The following JADE3 variants were observed in gnomAD, a reference collection of about 807,000 sequenced individuals.
JADE3 encodes jade family PHD finger 3, also known as protein Jade-3.
JADE3 carries 2 observed loss-of-function variants against 50.1 expected under a neutral mutation model. The observed-to-expected ratio is 0.04, with a 90% CI of 0.02 to 0.13. JADE3 has a LOEUF of 0.13. Among genes scored for constraint, JADE3 ranks in the 10% least tolerant of loss-of-function variants. The pLI is 1.00. For missense variants in JADE3, 475 were observed against 634.4 expected (o/e 0.75, Z 2.70); for synonymous variants, 218 against 232.9 (o/e 0.94, Z 0.58).
chrX:46,955,946 T>A (rs1556346191), intron 1 of JADE3, among the ~76,000 whole-genome samples: 5 of 112,386 alleles, frequency 4.4e-5, no homozygotes, highest in Non-Finnish European at 9.4e-5. Context: ...GTCAGTATCA[T>A]TCCTGGCTCT....
chrX:47,028,187 G>A, intron 6 of JADE3, 84 bp downstream of exon 6: 1 of 631,297 alleles, frequency 1.6e-6, no homozygotes, highest in Non-Finnish European at 2.5e-6. Flanking sequence ...TATCTGGGTA[G>A]CAGCTTGCAT....
At chrX:46,990,047 T>TTA (rs1216081274) in intron 3 of JADE3, among the ~76,000 whole-genome samples, 2 of 105,988 alleles carry the variant, frequency 1.9e-5, no homozygotes, top group African/African-American at 3.4e-5. Flanking sequence ...TGGTTATTCT[T>TTA]TATATATATA....
At chrX:46,917,834 C>CCTCCTCT (rs1926128082) in intron 1 of JADE3, among the ~76,000 whole-genome samples, 25 of 42,535 alleles carry the variant, frequency 5.9e-4, no homozygotes, top group Admixed American at 9.9e-4. Flanking sequence ...TCTCTCTCAT[C>CCTCCTCT]CTCTCTCTCT....
At position 47,024,849 on chromosome X, in the gene JADE3, G is replaced by A. The variant is rs782059228; in HGVS notation, c.410G>A (p.Arg137His). 5.8e-6 allele frequency: 7 copies of A among 1,201,359 alleles called. No homozygotes were observed. Among genetic ancestry groups the A allele is most frequent in the East Asian group, 3.0e-5 (1 of 33,746 alleles). The change falls in exon 5 of 11, where the codon CGC becomes CAC. Residue 137 changes from arginine to histidine, a missense_variant. Physicochemically the swap from Arg to His is conservative, Grantham distance 29. Transcript: ENST00000614628. The part of the protein sequence containing the change: ...NIMELAASVC[R>H]YDLDDMDIFW... The stretch of plus-strand genomic sequence containing the variant: ...ATGGAGTTGGCAGCATCTGTTTGCC[G>A]CTATGACCTAGATGACATGGACATC...
intron 1 of JADE3, among the ~76,000 whole-genome samples, chrX:46,969,932 A>G (rs144695411): frequency 7.1e-5 from 8 of 112,433 alleles, no homozygotes; most frequent in Admixed American, 5.6e-4. Flanking sequence ...CAAATGAATA[A>G]TCTAAGCTCC....
rs1296742418 is a variant in JADE3 at position 46,953,199 on chromosome X, T to TC, written c.-11-31677dup. On this transcript the variant is annotated intron_variant, in intron 1 of 10. Transcript: ENST00000614628. ...AAAAGGAGAGAAAAACCCAGGGGAT[T>TC]CCCCCCCCACCGCCCCCCACCGCCA... is the stretch of plus-strand genomic sequence containing the variant. 3.5e-4 allele frequency among the ~76,000 whole-genome samples: 32 copies of TC among 92,203 alleles called. No homozygotes were observed. The East Asian group carries it at 4.2e-3, about 12-fold the overall frequency. The allele number at this position is 92,203 out of a possible 115,157, so 80.1% of individuals were successfully genotyped here.
rs782082333 is a variant in JADE3, at chrX:46,952,990, C to CA, written c.-11-31881dup. On this transcript the variant is annotated intron_variant, in intron 1 of 10. Transcript: ENST00000614628. ...CCTGGGTGACAGAGCGAGACTGTCT[C>CA]AAAAAAAAAAAAAGCAATGGGATTT... 4.2e-3 allele frequency among the ~76,000 whole-genome samples: 368 copies of CA among 88,374 alleles called. 3 individuals carry two copies. The highest frequency in any genetic ancestry group is 0.012 in the African/African-American group (289 of 24,245). The allele number at this position is 88,374 out of a possible 115,157, so 76.7% of individuals were successfully genotyped here. A position where few individuals can be genotyped will look rare whatever the true frequency, so the allele number is the denominator to read the frequency against.
At chrX:46,992,517 C>T (rs1331815894) in intron 3 of JADE3, among the ~76,000 whole-genome samples, 1 of 111,414 alleles carries the variant, frequency 9.0e-6, no homozygotes, top group Admixed American at 9.5e-5. Context: ...TGTCTCCCTG[C>T]AGGCACCTGT....
intron 3 of JADE3, among the ~76,000 whole-genome samples, chrX:46,994,568 T>C (rs1556356857): frequency 8.9e-6 from 1 of 112,111 alleles, no homozygotes; most frequent in African/African-American, 3.2e-5. Flanking sequence ...CTGTGTTTTA[T>C]TTTGTGAAGT....
chrX:46,982,004 T>G (rs782819550), intron 1 of JADE3, among the ~76,000 whole-genome samples: 3 of 111,758 alleles, frequency 2.7e-5, no homozygotes, highest in Non-Finnish European at 5.6e-5. Context: ...TTGAGTTTCC[T>G]GAATATGTAA....
intron 7 of JADE3, among the ~76,000 whole-genome samples, chrX:47,038,670 A>AAAG (rs1196499794): frequency 9.5e-6 from 1 of 104,829 alleles, no homozygotes; most frequent in African/African-American, 3.8e-5. Flanking sequence ...AAAAAAAAAA[A>AAAG]AAGAAGAAAG....
chrX:47,033,896 T>C (rs1264086362), intron 7 of JADE3, 108 bp downstream of exon 7: 2 of 683,426 alleles, frequency 2.9e-6, no homozygotes, highest in African/African-American at 4.4e-5. Context: ...TGCTTGCCCA[T>C]GTTTCTGAAG....
At chrX:47,052,216 C>G (rs182263334) in intron 8 of JADE3, among the ~76,000 whole-genome samples, 4 of 109,715 alleles carry the variant, frequency 3.6e-5, no homozygotes, top group Non-Finnish European at 7.6e-5. Context: ...CTTTGCCCCC[C>G]CCTATGAATA....
Position 47,059,011 on chromosome X carries a change from C to G in JADE3, c.2406C>G (p.Asp802Glu). 2.5e-6 allele frequency: 3 copies of G among 1,209,000 alleles called. No individual in the cohort carries two copies. Among genetic ancestry groups the G allele is most frequent in the African/African-American group, 1.7e-5 (1 of 57,747 alleles). ...CAGACAGGGAAAATCCTCCCCATGA[C>G]TCTAGACGGGATTGCCATGGTAAAA... ...DSSDRENPPH[D>E]SRRDCHGKSK... is the part of the protein sequence containing the mutation. Residue 802 changes from aspartate (D) to glutamate (E), a missense_variant, in exon 11 of 11, where the codon GAC becomes GAG. By Grantham distance (45) the Asp-to-Glu change is conservative. Around this residue, in one of 6 missense-constraint regions of JADE3, gnomAD observed 243 missense variants for 238.2 expected, o/e 1.02. Transcript: ENST00000614628.
intron 4 of JADE3, among the ~76,000 whole-genome samples, chrX:47,018,822 G>A (rs933324452): frequency 4.5e-5 from 5 of 111,519 alleles, no homozygotes; most frequent in African/African-American, 1.6e-4. Flanking sequence ...TCTGCTCCAT[G>A]ATGTGTCTAG....
chrX:46,948,962 G>T (rs1556344165), intron 1 of JADE3, among the ~76,000 whole-genome samples: 1 of 110,421 alleles, frequency 9.1e-6, no homozygotes, highest in Admixed American at 9.6e-5. Context: ...TTTTGAGACA[G>T]GGTCTTTGTC....
intron 4 of JADE3, among the ~76,000 whole-genome samples, chrX:47,021,690 A>G (rs782636426): frequency 8.9e-6 from 1 of 112,589 alleles, no homozygotes; most frequent in East Asian, 2.8e-4. Flanking sequence ...CGTGATAACT[A>G]ATGAGGTTGA....
chrX:46,964,396 C>A (rs1269466842), intron 1 of JADE3, among the ~76,000 whole-genome samples: 1 of 111,573 alleles, frequency 9.0e-6, no homozygotes, highest in Non-Finnish European at 1.9e-5. Context: ...TACTAGGACT[C>A]CTGAGCTGCC....
chrX:46,982,806 A>C (rs1329452944), intron 1 of JADE3, among the ~76,000 whole-genome samples: 5 of 109,739 alleles, frequency 4.6e-5, no homozygotes, highest in African/African-American at 1.7e-4. Context: ...ATGGTCTACT[A>C]ATTGTTGACT....
Sources: allele counts gnomAD v4.1 joint callset (sites outside exome capture counted in the v4.1 genomes callset), GRCh38; gene constraint gnomAD v4.1.1; regional missense constraint gnomAD v4.1.1; transcripts MANE v1.5; gene names NCBI Gene and HGNC (gene_info 2026-07-23, HGNC 2026-07-21).